Variants in GRID2 observed in about 807,000 individuals in gnomAD.
GRID2 encodes glutamate ionotropic receptor delta type subunit 2.
A neutral mutation model predicts 114.8 loss-of-function variants in GRID2; 33 were observed. The observed-to-expected ratio is 0.29, with a 90% CI of 0.22 to 0.38. The LOEUF is 0.38. Ranked by LOEUF, GRID2 falls within the 10% of genes least tolerant of loss-of-function variation. The pLI, the probability that GRID2 is intolerant of heterozygous loss-of-function variation, is 1.00. For missense variants in GRID2, 1,184 were observed against 1,257.7 expected (o/e 0.94, Z 0.89); for synonymous variants, 505 against 449.9 (o/e 1.12, Z -1.55).
intron 1 of GRID2, among the ~76,000 whole-genome samples, chr4:92,439,121 A>C (rs920372532): frequency 2.7e-5 from 4 of 150,342 alleles, no homozygotes; most frequent in African/African-American, 9.8e-5. Flanking sequence ...ATTACAGTCA[A>C]AGGGGGCTTG....
At chr4:92,916,841 T>C (rs1748842504) in intron 2 of GRID2, among the ~76,000 whole-genome samples, 1 of 152,168 alleles carries the variant, frequency 6.6e-6, no homozygotes, top group South Asian at 2.1e-4. Context: ...TGTGTCTTTA[T>C]AGCAGCATGA....
At chr4:92,441,880 A>G (rs1326904064) in intron 1 of GRID2, among the ~76,000 whole-genome samples, 4 of 151,888 alleles carry the variant, frequency 2.6e-5, no homozygotes, top group South Asian at 2.1e-4. Flanking sequence ...GCAATGAGAT[A>G]CAGCTGTAGT....
At chr4:92,828,249 C>T (rs1031224985) in intron 2 of GRID2, among the ~76,000 whole-genome samples, 30 of 152,100 alleles carry the variant, frequency 2.0e-4, no homozygotes, top group African/African-American at 6.7e-4. Flanking sequence ...CACTGGCAAC[C>T]AAAGTTTATT....
intron 11 of GRID2, among the ~76,000 whole-genome samples, chr4:93,473,013 T>C (rs911132451): frequency 1.3e-5 from 2 of 152,202 alleles, no homozygotes; most frequent in African/African-American, 2.4e-5. Context: ...TATATTAATA[T>C]GTATGCAACA....
intron 2 of GRID2, among the ~76,000 whole-genome samples, chr4:92,603,743 C>T (rs1225151137): frequency 2.6e-5 from 4 of 151,728 alleles, no homozygotes; most frequent in Non-Finnish European, 4.4e-5. Context: ...ACCATCAGAA[C>T]AGAAAACCAA....
intron 1 of GRID2, among the ~76,000 whole-genome samples, chr4:92,534,084 T>G (rs941228161): frequency 6.6e-6 from 1 of 152,106 alleles, no homozygotes. Context: ...AATAGCTTAT[T>G]TAAATCTTTT....
chr4:92,770,780 G>A (rs930981410), intron 2 of GRID2, among the ~76,000 whole-genome samples: 7 of 151,960 alleles, frequency 4.6e-5, no homozygotes, highest in Non-Finnish European at 8.8e-5. Context: ...ACCTCCAACC[G>A]GGTTCCTCCC....
intron 4 of GRID2, among the ~76,000 whole-genome samples, chr4:93,190,622 C>T (rs1195487131): frequency 6.6e-6 from 1 of 152,070 alleles, no homozygotes; most frequent in Non-Finnish European, 1.5e-5. Flanking sequence ...GTTTCTTAGT[C>T]ATATTCAAAG....
chr4:92,995,438 A>C, intron 2 of GRID2, among the ~76,000 whole-genome samples: 1 of 152,134 alleles, frequency 6.6e-6, no homozygotes, highest in Non-Finnish European at 1.5e-5. Context: ...TATTTTTACT[A>C]TTTGAAACCC....
At chr4:93,084,658 T>A (rs1416635046) in intron 2 of GRID2, among the ~76,000 whole-genome samples, 24 of 152,244 alleles carry the variant, frequency 1.6e-4, no homozygotes, top group Admixed American at 1.6e-3. Flanking sequence ...ACTAATTGAA[T>A]ATCTATCATG....
intron 8 of GRID2, among the ~76,000 whole-genome samples, chr4:93,358,745 A>G (rs1761585642): frequency 4.6e-5 from 7 of 152,110 alleles, no homozygotes. Context: ...AATGAATCAT[A>G]TCTGGAACAA....
chr4:93,789,443 C>A (rs907268095), intron 1 of GRID2, among the ~76,000 whole-genome samples: 1 of 152,162 alleles, frequency 6.6e-6, no homozygotes, highest in Admixed American at 6.5e-5. Flanking sequence ...TCATAGAATA[C>A]TTGTTATTAC....
intron 10 of GRID2, among the ~76,000 whole-genome samples, chr4:93,447,098 A>G (rs1170069503): frequency 6.6e-6 from 1 of 151,940 alleles, no homozygotes; most frequent in African/African-American, 2.4e-5. Flanking sequence ...AAAAATAGCA[A>G]ATGAGCAAAA....
intron 2 of GRID2, among the ~76,000 whole-genome samples, chr4:92,819,322 C>T (rs1041247701): frequency 6.6e-6 from 1 of 152,044 alleles, no homozygotes; most frequent in African/African-American, 2.4e-5. Context: ...AGAGAGGGGT[C>T]CTGGCATCAG....
chr4:92,639,430 T>A (rs1731237338), intron 2 of GRID2, among the ~76,000 whole-genome samples: 2 of 151,850 alleles, frequency 1.3e-5, no homozygotes, highest in African/African-American at 4.8e-5. Flanking sequence ...CTGATTGGTT[T>A]TCTCATAGGG....
intron 2 of GRID2, among the ~76,000 whole-genome samples, chr4:92,662,576 C>A (rs1732573143): frequency 6.7e-6 from 1 of 150,088 alleles, no homozygotes. Flanking sequence ...ACTTTGCAAA[C>A]CAGGGATAAA....
intron 13 of GRID2, among the ~76,000 whole-genome samples, chr4:93,575,583 GATA>G (rs1406362879): frequency 6.6e-6 from 1 of 152,040 alleles, no homozygotes; most frequent in African/African-American, 2.4e-5. Context: ...GCAAAATGAG[GATA>G]ATAATGGTTT....
At chr4:92,565,891 A>G (rs560930334) in intron 1 of GRID2, among the ~76,000 whole-genome samples, 3 of 152,186 alleles carry the variant, frequency 2.0e-5, no homozygotes, top group South Asian at 2.1e-4. Context: ...AAAACAGCAC[A>G]TATTTATTAA....
At chr4:92,591,141 G>A (rs1728691366) in intron 2 of GRID2, among the ~76,000 whole-genome samples, 1 of 152,082 alleles carries the variant, frequency 6.6e-6, no homozygotes, top group Admixed American at 6.6e-5. Flanking sequence ...AGATGATTAG[G>A]TCATGAGGGC....
Sources: gnomAD v4.1 joint callset for allele counts (sites outside exome capture counted in the v4.1 genomes callset) on GRCh38, gnomAD v4.1.1 for gene constraint, MANE v1.5 for transcripts, NCBI Gene and HGNC (gene_info 2026-07-23, HGNC 2026-07-21) for gene names.